TBC1D22A: variants seen among roughly 807,000 people sequenced by gnomAD.
The protein encoded by TBC1D22A is putative GTPase activator.
Under a neutral mutation model 60.2 loss-of-function variants are expected in TBC1D22A, and 38 were observed. That is an observed-to-expected ratio of 0.63 (90% CI 0.49 to 0.83). The LOEUF is 0.83. TBC1D22A is among the 40% of genes least tolerant of loss of function. The pLI, the probability that TBC1D22A is intolerant of heterozygous loss-of-function variation, is 0.00. For synonymous variants in TBC1D22A, 302 were observed against 281.7 expected (o/e 1.07, Z -0.72); for missense variants, 628 against 701.0 (o/e 0.90, Z 1.18).
At chr22:46,932,765 C>G (rs1359542907) in intron 8 of TBC1D22A, among the ~76,000 whole-genome samples, 11 of 143,218 alleles carry the variant, frequency 7.7e-5, no homozygotes, top group African/African-American at 3.0e-4. Context: ...CGCCCTGTTG[C>G]CCAGGCTGAA....
intron 8 of TBC1D22A, among the ~76,000 whole-genome samples, chr22:46,941,581 G>GGGAATATATATACGGAATATATATACAC: frequency 8.7e-6 from 1 of 114,722 alleles, no homozygotes; most frequent in African/African-American, 3.5e-5. Flanking sequence ...TATATATACA[G>GGGAATATATATACGGAATATATATACAC]GGAATATATA....
chr22:46,970,235 C>T (rs2073994148), intron 8 of TBC1D22A, among the ~76,000 whole-genome samples: 1 of 152,138 alleles, frequency 6.6e-6, no homozygotes, highest in South Asian at 2.1e-4. Context: ...CCCCCACCCC[C>T]AGGGCCACAG....
intron 9 of TBC1D22A, among the ~76,000 whole-genome samples, chr22:46,991,207 A>G (rs1216420271): frequency 6.6e-6 from 1 of 152,214 alleles, no homozygotes; most frequent in East Asian, 1.9e-4. Context: ...GTAGGAAAGC[A>G]GGGGGTTTGG....
chr22:47,133,477 G>A (rs1438035782), intron 12 of TBC1D22A, among the ~76,000 whole-genome samples: 1 of 152,232 alleles, frequency 6.6e-6, no homozygotes, highest in Non-Finnish European at 1.5e-5. Flanking sequence ...AGGGCCGCCT[G>A]TGGGGGGTGC....
At position 46,894,300 on chromosome 22, in the gene TBC1D22A, C is replaced by CT. The variant is rs1375628041; in HGVS notation, c.838-483dup. Among the ~76,000 whole-genome samples the CT allele has an allele frequency of 5.3e-5, 8 of 152,296 alleles. No homozygotes were observed. The East Asian group carries it at 1.5e-3, about 29-fold the overall frequency. On this transcript the variant is annotated intron_variant, in intron 6 of 12. Coordinates refer to ENST00000337137, the MANE Select transcript of TBC1D22A (RefSeq NM_014346.5). ...GTGGCCAAGCAGGAACCAGCTGACA[C>CT]TAACAGAGGCTTTCAAAGGCTTCCT...
intron 11 of TBC1D22A, among the ~76,000 whole-genome samples, chr22:47,101,812 C>A (rs1240175434): frequency 6.6e-6 from 1 of 152,120 alleles, no homozygotes; most frequent in African/African-American, 2.4e-5. Flanking sequence ...AGATGGGGAG[C>A]CTCTGACTGT....
chr22:47,067,682 G>A (rs1326218919), intron 11 of TBC1D22A, among the ~76,000 whole-genome samples: 7 of 152,220 alleles, frequency 4.6e-5, no homozygotes, highest in Non-Finnish European at 8.8e-5. Context: ...AGATGCCTGG[G>A]GATGGATGCC....
intron 11 of TBC1D22A, among the ~76,000 whole-genome samples, chr22:47,085,533 CA>C (rs56144307): frequency 2.0e-5 from 3 of 152,104 alleles, no homozygotes; most frequent in Admixed American, 6.5e-5. Flanking sequence ...AGAGCTCTCC[CA>C]ATCAAACTTG....
At chr22:47,138,780 G>A (rs1010396821) in intron 12 of TBC1D22A, among the ~76,000 whole-genome samples, 2 of 152,196 alleles carry the variant, frequency 1.3e-5, no homozygotes, top group Non-Finnish European at 2.9e-5. Context: ...CCGGCATCTG[G>A]TGAGGGCCCG....
chr22:46,807,353 C>T (rs928395246), intron 4 of TBC1D22A, among the ~76,000 whole-genome samples: 5 of 152,068 alleles, frequency 3.3e-5, no homozygotes, highest in African/African-American at 1.2e-4. Flanking sequence ...AACTCTCCTG[C>T]TTGTCGGTGT....
At chr22:47,101,840 A>C (rs2065429648) in intron 11 of TBC1D22A, among the ~76,000 whole-genome samples, 1 of 152,130 alleles carries the variant, frequency 6.6e-6, no homozygotes, top group Non-Finnish European at 1.5e-5. Context: ...CGCCCACTAC[A>C]TCGTACCCAT....
chr22:46,814,351 G>A (rs2085502905), intron 4 of TBC1D22A, among the ~76,000 whole-genome samples: 1 of 152,162 alleles, frequency 6.6e-6, no homozygotes, highest in Non-Finnish European at 1.5e-5. Context: ...GAGGCTTGAA[G>A]GGGTTAAGAA....
chr22:46,848,686 T>C (rs2087132435), intron 4 of TBC1D22A, among the ~76,000 whole-genome samples: 1 of 152,242 alleles, frequency 6.6e-6, no homozygotes, highest in Admixed American at 6.5e-5. Flanking sequence ...GCTGTTACTG[T>C]ATATTACTTT....
At chr22:46,987,251 C>G (rs1447932531) in intron 9 of TBC1D22A, among the ~76,000 whole-genome samples, 1 of 152,098 alleles carries the variant, frequency 6.6e-6, no homozygotes, top group Non-Finnish European at 1.5e-5. Flanking sequence ...TCTCTCGATG[C>G]CGGAGTGGCA....
At chr22:47,066,732 G>A (rs925414147) in intron 11 of TBC1D22A, among the ~76,000 whole-genome samples, 2 of 152,140 alleles carry the variant, frequency 1.3e-5, no homozygotes, top group Non-Finnish European at 2.9e-5. Flanking sequence ...ATCTACCTTG[G>A]GCATCGGGGA....
intron 11 of TBC1D22A, among the ~76,000 whole-genome samples, chr22:47,043,590 G>A (rs2062922365): frequency 6.6e-6 from 1 of 152,220 alleles, no homozygotes; most frequent in Non-Finnish European, 1.5e-5. Flanking sequence ...ACGTAGGGAA[G>A]ATGGGGTGTG....
chr22:46,854,836 G>A (rs2087486545), intron 4 of TBC1D22A, among the ~76,000 whole-genome samples: 1 of 152,098 alleles, frequency 6.6e-6, no homozygotes, highest in African/African-American at 2.4e-5. Context: ...TCCTAATTAC[G>A]TGTTCATCCT....
At chr22:46,897,652 G>GTTTTTTTTTTTTTTTTT (rs34529641) in intron 7 of TBC1D22A, among the ~76,000 whole-genome samples, 5 of 111,514 alleles carry the variant, frequency 4.5e-5, no homozygotes, top group Non-Finnish European at 7.0e-5. Context: ...TTTTTTTTGT[G>GTTTTTTTTTTTTTTTTT]TTTTTTTTTT....
intron 8 of TBC1D22A, among the ~76,000 whole-genome samples, chr22:46,936,791 C>G (rs146323008): frequency 6.6e-6 from 1 of 152,348 alleles, no homozygotes; most frequent in African/African-American, 2.4e-5. Flanking sequence ...TTACCCTGCT[C>G]TTCGTAAGCC....
Sources: gnomAD v4.1 joint callset for allele counts (sites outside exome capture counted in the v4.1 genomes callset) on GRCh38, gnomAD v4.1.1 for gene constraint, MANE v1.5 for transcripts, NCBI Gene and HGNC (gene_info 2026-07-23, HGNC 2026-07-21) for gene names.